The following LRRC28 variants were observed in gnomAD, a reference collection of about 807,000 sequenced individuals.
The protein encoded by LRRC28 is leucine-rich repeat-containing protein 28.
LRRC28 carries 39 observed loss-of-function variants against 45.7 expected under a neutral mutation model. The ratio of observed to expected loss-of-function variants is 0.85; its 90% CI spans 0.66 to 1.12. LRRC28 has a LOEUF of 1.12. Among genes scored for constraint, LRRC28 ranks in the 50% most tolerant of loss-of-function variants. The probability of loss-of-function intolerance (pLI) is 0.00; values close to 1 mark genes in which losing one functional copy is unlikely to be tolerated. For synonymous variants in LRRC28, 206 were observed against 178.8 expected, an observed-to-expected ratio of 1.15 and a Z score of -1.22; for missense variants, 435 against 438.5, an observed-to-expected ratio of 0.99 and a Z score of 0.07.
At chr15:99,361,562 T>G in intron 8 of LRRC28, 51 bp downstream of exon 8, 1 of 1,503,738 alleles carries the variant, frequency 6.7e-7, no homozygotes, top group South Asian at 1.3e-5. Flanking sequence ...TAGTGAACAT[T>G]GTGCTTGGTG....
Position 99,361,363 on chromosome 15 carries a change from G to C in LRRC28, c.723G>C (p.Glu241Asp), listed in dbSNP as rs372445353. ...GTGGTGCTCCCATTCAAGTTTCCGAGGTGAAGCTGCTTTCCTTTTCATCAG... is the reference window on the plus strand; with the variant it reads ...GTGGTGCTCCCATTCAAGTTTCCGACGTGAAGCTGCTTTCCTTTTCATCAG... ...SGCGAPIQVS[E>D]VKLLSFSSGQ... is the part of the protein sequence containing the mutation. The change falls in exon 8 of 10, where the codon GAG becomes GAC. Residue 241 changes from glutamate to aspartate, a missense_variant. Coordinates refer to ENST00000301981, the MANE Select transcript of LRRC28 (RefSeq NM_144598.5). 2.5e-6 allele frequency: 4 copies of C among 1,613,424 alleles called. No individual in the cohort carries two copies. The African/African-American group carries it at 5.3e-5, about 22-fold the overall frequency.
At chr15:99,254,088 C>G (rs929563310) in intron 1 of LRRC28, among the ~76,000 whole-genome samples, 1 of 152,228 alleles carries the variant, frequency 6.6e-6, no homozygotes, top group African/African-American at 2.4e-5. Context: ...TTTCCTAGTT[C>G]AGTGAATAAT....
chr15:99,363,063 C>A (rs1376955612), intron 8 of LRRC28, 43 bp from the exon 9 acceptor site: 1 of 1,572,476 alleles, frequency 6.4e-7, no homozygotes, highest in Non-Finnish European at 8.6e-7. Flanking sequence ...TTAAGGAAGT[C>A]TGATTTTTTT....
chr15:99,326,964 T>G (rs1244527484), intron 5 of LRRC28, among the ~76,000 whole-genome samples: 3 of 152,224 alleles, frequency 2.0e-5, no homozygotes, highest in Non-Finnish European at 2.9e-5. Flanking sequence ...TATTATTTCC[T>G]CCTTAAATAT....
At chr15:99,380,144 G>T (rs899389767) in intron 9 of LRRC28, among the ~76,000 whole-genome samples, 1 of 152,196 alleles carries the variant, frequency 6.6e-6, no homozygotes, top group Non-Finnish European at 1.5e-5. Flanking sequence ...GGGTGTTAAA[G>T]TCTCCCCTTA....
At chr15:99,298,319 TA>T (rs2082317719) in intron 5 of LRRC28, among the ~76,000 whole-genome samples, 1 of 152,172 alleles carries the variant, frequency 6.6e-6, no homozygotes, top group Admixed American at 6.6e-5. Context: ...AAGGAGGGCT[TA>T]AGGAGAAGGC....
At chr15:99,385,993 A>G (rs1361630420) in intron 9 of LRRC28, 37 bp from the exon 10 acceptor site, 3 of 1,580,350 alleles carry the variant, frequency 1.9e-6, no homozygotes, top group South Asian at 1.1e-5. Context: ...TTAATCTTGA[A>G]CTCACAGCGT....
Position 99,322,424 on chromosome 15 carries a change from G to A in LRRC28, c.386-11499G>A, listed in dbSNP as rs749406065. ...GCTTGGTGTCAACAGTAGAGGTCTC[G>A]GAGAGGCTAACAGATTCAGTATGGA... On this transcript the variant is annotated intron_variant, in intron 5 of 9. Coordinates refer to ENST00000301981, the MANE Select transcript of LRRC28 (RefSeq NM_144598.5). 2.6e-4 allele frequency among the ~76,000 whole-genome samples: 39 copies of A among 152,138 alleles called. No homozygotes were observed. In the Middle Eastern group the frequency reaches 0.01, roughly 40 times the overall value.
At chr15:99,264,452 A>G (rs1161363086) in intron 2 of LRRC28, among the ~76,000 whole-genome samples, 1 of 152,198 alleles carries the variant, frequency 6.6e-6, no homozygotes, top group Non-Finnish European at 1.5e-5. Flanking sequence ...CTGTTTGAAG[A>G]GGAACCTAGC....
intron 3 of LRRC28, among the ~76,000 whole-genome samples, chr15:99,286,057 A>G (rs2081949892): frequency 6.6e-6 from 1 of 152,242 alleles, no homozygotes; most frequent in Admixed American, 6.5e-5. Context: ...TTTAATATTC[A>G]ATATTAGACT....
intron 6 of LRRC28, among the ~76,000 whole-genome samples, chr15:99,336,768 T>C (rs1475041338): frequency 6.6e-6 from 1 of 152,212 alleles, no homozygotes; most frequent in Non-Finnish European, 1.5e-5. Context: ...TTGGTGCTGA[T>C]AGTAACTCTT....
rs1293488593 is a variant in LRRC28 at position 99,389,571 on chromosome 15, A to C, written c.*3469A>C. ...TAACTGGACCAACACTAATGTTGCAACCTGATAAAATTTGAGATGTAAATT... is the reference window on the plus strand; with the variant it reads ...TAACTGGACCAACACTAATGTTGCACCCTGATAAAATTTGAGATGTAAATT... On this transcript the variant is annotated 3_prime_UTR_variant, in exon 10 of 10. Coordinates refer to ENST00000301981, the MANE Select transcript of LRRC28 (RefSeq NM_144598.5). 2 of 152,216 alleles carry C rather than the reference A, an allele frequency of 1.3e-5. No individual in the cohort carries two copies. Among genetic ancestry groups the C allele is most frequent in the Non-Finnish European group, 2.9e-5 (2 of 68,042 alleles). The allele number at this position is 152,216 out of a possible 1,614,324, so 9.4% of individuals were successfully genotyped here. A position where few individuals can be genotyped will look rare whatever the true frequency, so the allele number is the denominator to read the frequency against.
Position 99,385,938 on chromosome 15 carries a change from C to T in LRRC28, c.1032-92C>T, listed in dbSNP as rs9328571. 0.01 allele frequency: 11,415 copies of T among 1,122,686 alleles called. 826 individuals are homozygous for T. In the African/African-American group the frequency reaches 0.15, roughly 15 times the overall value. 69.5% of individuals were successfully genotyped at this position (1,122,686 alleles called of 1,614,324 possible). On this transcript the variant is annotated intron_variant, in intron 9 of 9. Transcript: ENST00000301981. ...AGTTTGTTGACCATGGCTAATCCTC[C>T]ATTTTAACAAAGAAAAAAGTTTCCA...
intron 6 of LRRC28, among the ~76,000 whole-genome samples, chr15:99,351,969 T>C (rs1018631910): frequency 6.6e-6 from 1 of 152,170 alleles, no homozygotes. Context: ...AGAAAAGGGA[T>C]GACTGACCAA....
chr15:99,261,088 C>T (rs551779336), intron 2 of LRRC28, among the ~76,000 whole-genome samples: 4 of 152,278 alleles, frequency 2.6e-5, no homozygotes, highest in South Asian at 2.1e-4. Flanking sequence ...GCCCCTCAGT[C>T]GCTCAAAGCC....
chr15:99,336,984 G>A (rs2152298124), intron 6 of LRRC28, among the ~76,000 whole-genome samples: 1 of 152,284 alleles, frequency 6.6e-6, no homozygotes, highest in South Asian at 2.1e-4. Context: ...ATACTCACAT[G>A]TGCTCTTACC....
At chr15:99,369,133 A>G (rs1957415019) in intron 9 of LRRC28, among the ~76,000 whole-genome samples, 1 of 152,096 alleles carries the variant, frequency 6.6e-6, no homozygotes, top group Admixed American at 6.6e-5. Flanking sequence ...TAACATTTTT[A>G]TTTCTAGCAA....
chr15:99,339,666 A>G (rs563950885), intron 6 of LRRC28, among the ~76,000 whole-genome samples: 1 of 151,850 alleles, frequency 6.6e-6, no homozygotes, highest in African/African-American at 2.4e-5. Flanking sequence ...GGGAGGTTGC[A>G]GTGAGCCGAG....
intron 5 of LRRC28, among the ~76,000 whole-genome samples, chr15:99,294,882 C>G (rs972799600): frequency 1.3e-5 from 2 of 152,206 alleles, no homozygotes; most frequent in Admixed American, 6.5e-5. Context: ...TCACTTGCCC[C>G]CAACTCTGAT....
Sources: gnomAD v4.1 joint callset for allele counts (sites outside exome capture counted in the v4.1 genomes callset) on GRCh38, gnomAD v4.1.1 for gene constraint, MANE v1.5 for transcripts, NCBI Gene and HGNC (gene_info 2026-07-23, HGNC 2026-07-21) for gene names.